UNC5D: variants seen among roughly 807,000 people sequenced by gnomAD.
The protein encoded by UNC5D is netrin receptor UNC5D.
UNC5D carries 39 observed loss-of-function variants against 105.4 expected under a neutral mutation model. That is an observed-to-expected ratio of 0.37 (90% CI 0.29 to 0.48). The LOEUF (loss-of-function observed/expected upper bound fraction) is 0.48. UNC5D is among the 20% of genes least tolerant of loss of function. The pLI is 0.98. For missense variants in UNC5D, 991 were observed against 1,202.4 expected (o/e 0.82, Z 2.60); for synonymous variants, 452 against 450.4 (o/e 1.00, Z -0.04).
intron 1 of UNC5D, among the ~76,000 whole-genome samples, chr8:35,441,883 A>G (rs1807427387): frequency 6.6e-6 from 1 of 151,706 alleles, no homozygotes; most frequent in Admixed American, 6.6e-5. Flanking sequence ...AGAAGCAGAA[A>G]TTCTTTAAGG....
chr8:35,599,205 C>A (rs1819681724), intron 4 of UNC5D, among the ~76,000 whole-genome samples: 1 of 148,804 alleles, frequency 6.7e-6, no homozygotes, highest in Non-Finnish European at 1.5e-5. Context: ...ATGGTGGTCA[C>A]CACATGTTGC....
intron 4 of UNC5D, among the ~76,000 whole-genome samples, chr8:35,679,288 A>G (rs117251646): frequency 0.011 from 1,602 of 152,254 alleles, 13 homozygotes; most frequent in South Asian, 0.029. Flanking sequence ...AGAGGTAAGC[A>G]TTAGGAAGAA....
chr8:35,379,937 G>C (rs941453440), intron 1 of UNC5D, among the ~76,000 whole-genome samples: 1 of 150,906 alleles, frequency 6.6e-6, no homozygotes, highest in African/African-American at 2.4e-5. Context: ...CCATAATGAA[G>C]TACTGTAGAC....
At chr8:35,779,445 G>A (rs1272354643) in intron 16 of UNC5D, among the ~76,000 whole-genome samples, 2 of 152,236 alleles carry the variant, frequency 1.3e-5, no homozygotes, top group East Asian at 3.9e-4. Flanking sequence ...TCTTTCACAG[G>A]AGAGTGGCTT....
At chr8:35,268,218 A>G (rs1333474291) in intron 1 of UNC5D, among the ~76,000 whole-genome samples, 2 of 152,168 alleles carry the variant, frequency 1.3e-5, no homozygotes, top group Non-Finnish European at 2.9e-5. Context: ...AAATTTCAGT[A>G]TCTTCTGATT....
intron 13 of UNC5D, among the ~76,000 whole-genome samples, chr8:35,755,542 T>C (rs6468336): frequency 0.1 from 15,830 of 152,000 alleles, 2,389 homozygotes; most frequent in African/African-American, 0.34. Flanking sequence ...TTTAGCCTGC[T>C]TGTTTTAGTA....
At chr8:35,378,246 T>G (rs975395203) in intron 1 of UNC5D, among the ~76,000 whole-genome samples, 3 of 152,212 alleles carry the variant, frequency 2.0e-5, no homozygotes, top group African/African-American at 7.2e-5. Context: ...CAAAGTACCT[T>G]ATAAATGTTA....
intron 1 of UNC5D, among the ~76,000 whole-genome samples, chr8:35,543,115 C>A (rs1407241843): frequency 6.6e-6 from 1 of 152,132 alleles, no homozygotes; most frequent in East Asian, 1.9e-4. Context: ...ATTTGATTCT[C>A]ATGTAAAGTT....
chr8:35,331,191 G>A (rs536986981), intron 1 of UNC5D, among the ~76,000 whole-genome samples: 17 of 152,232 alleles, frequency 1.1e-4, no homozygotes, highest in African/African-American at 3.9e-4. Flanking sequence ...TAGATTATTC[G>A]AAACAGTTTA....
At position 35,467,627 on chromosome 8, in the gene UNC5D, A is replaced by G. The variant is rs138337587; in HGVS notation, c.104-81665A>G. 2.6e-3 allele frequency among the ~76,000 whole-genome samples: 388 copies of G among 151,832 alleles called. 4 individuals are homozygous for G. The highest frequency in any genetic ancestry group is 8.9e-3 in the African/African-American group (367 of 41,424). On this transcript the variant is annotated intron_variant, in intron 1 of 16. Transcript: ENST00000404895. ...TCAGACTTGTTTGAGTAACCTATCA[A>G]TAACTGTCTCCAAATATTTAAAGAA...
chr8:35,322,490 C>A (rs1218263532), intron 1 of UNC5D, among the ~76,000 whole-genome samples: 1 of 152,108 alleles, frequency 6.6e-6, no homozygotes, highest in Non-Finnish European at 1.5e-5. Flanking sequence ...ATCTCTTCTA[C>A]CTACAGTCTC....
chr8:35,578,704 T>G (rs1309853929), intron 3 of UNC5D, among the ~76,000 whole-genome samples: 3 of 152,202 alleles, frequency 2.0e-5, no homozygotes, highest in Non-Finnish European at 4.4e-5. Context: ...TGAGCAACAC[T>G]GAACTGTAAG....
intron 3 of UNC5D, among the ~76,000 whole-genome samples, chr8:35,570,513 G>A (rs909860642): frequency 2.0e-5 from 3 of 152,108 alleles, no homozygotes; most frequent in African/African-American, 7.2e-5. Flanking sequence ...ATTTGCAGGT[G>A]TCTTAATCCT....
intron 1 of UNC5D, among the ~76,000 whole-genome samples, chr8:35,430,269 G>T (rs1054059476): frequency 1.3e-5 from 2 of 152,006 alleles, no homozygotes; most frequent in Admixed American, 1.3e-4. Flanking sequence ...CAAAATTATT[G>T]GGTTCAGAGA....
chr8:35,291,941 T>A (rs184942158), intron 1 of UNC5D, among the ~76,000 whole-genome samples: 1 of 152,340 alleles, frequency 6.6e-6, no homozygotes. Flanking sequence ...GAAGAGATTG[T>A]ACAGCCATGG....
At chr8:35,380,137 GAGAC>G (rs1392137177) in intron 1 of UNC5D, among the ~76,000 whole-genome samples, 78 of 142,858 alleles carry the variant, frequency 5.5e-4, no homozygotes, top group African/African-American at 2.0e-3. Context: ...CCGAGAGAGA[GAGAC>G]AGACAGAGAC....
intron 7 of UNC5D, among the ~76,000 whole-genome samples, chr8:35,691,629 G>A (rs1311888127): frequency 1.3e-5 from 2 of 152,126 alleles, no homozygotes; most frequent in African/African-American, 4.8e-5. Flanking sequence ...TTTTCCAGAG[G>A]AAAAAGGTAA....
chr8:35,301,546 C>T (rs1919342), intron 1 of UNC5D, among the ~76,000 whole-genome samples: 124,691 of 152,088 alleles, frequency 0.82, 51,579 homozygotes, highest in East Asian at 1. Context: ...TACAGCTAGG[C>T]GTTTGCCTTA....
At position 35,446,339 on chromosome 8, in the gene UNC5D, A is replaced by C. The variant is rs576760904; in HGVS notation, c.104-102953A>C. Among the ~76,000 whole-genome samples the C allele has an allele frequency of 2.0e-5, 3 of 152,124 alleles. No homozygotes were observed. In the South Asian group the frequency reaches 6.2e-4, roughly 32 times the overall value. On this transcript the variant is annotated intron_variant, in intron 1 of 16. Coordinates refer to ENST00000404895, the MANE Select transcript of UNC5D (RefSeq NM_080872.4). ...TCATATACCATATTACATTGTCTCT[A>C]TGCCCAAAAGAATCTGCAACTGGAG...
Sources: allele counts gnomAD v4.1 joint callset (sites outside exome capture counted in the v4.1 genomes callset), GRCh38; gene constraint gnomAD v4.1.1; transcripts MANE v1.5; gene names NCBI Gene and HGNC (gene_info 2026-07-23, HGNC 2026-07-21).